The following CADPS variants were observed in gnomAD, a reference collection of about 807,000 sequenced individuals.
The protein encoded by CADPS is calcium dependent secretion activator, also known as calcium-dependent secretion activator 1.
Under a neutral mutation model 167.3 loss-of-function variants are expected in CADPS, and 57 were observed. The observed-to-expected ratio is 0.34, with a 90% CI of 0.28 to 0.42. The LOEUF (loss-of-function observed/expected upper bound fraction) is 0.42, where lower values mean the gene tolerates loss of function less well. CADPS is among the 20% of genes least tolerant of loss of function. The probability of loss-of-function intolerance (pLI) is 1.00; values close to 1 mark genes in which losing one functional copy is unlikely to be tolerated. For synonymous variants in CADPS, 676 were observed against 635.3 expected (o/e 1.06, Z -0.96); for missense variants, 1,414 against 1,738.1 (o/e 0.81, Z 3.32).
chr3:62,635,057 C>T (rs1368535642), intron 6 of CADPS, among the ~76,000 whole-genome samples: 1 of 152,190 alleles, frequency 6.6e-6, no homozygotes, highest in Admixed American at 6.6e-5. Flanking sequence ...ACACTAAGTT[C>T]TTCCAGAGGC....
chr3:62,723,702 A>C (rs9836677), intron 3 of CADPS, among the ~76,000 whole-genome samples: 22,544 of 152,258 alleles, frequency 0.15, 2,109 homozygotes, highest in African/African-American at 0.27. Flanking sequence ...TGAGCCGCTC[A>C]GGAGATGAAG....
chr3:62,632,418 ATAT>A (rs1338421220), intron 6 of CADPS, among the ~76,000 whole-genome samples: 1 of 152,194 alleles, frequency 6.6e-6, no homozygotes, highest in African/African-American at 2.4e-5. Context: ...TACCAAATAA[ATAT>A]TATTTGAAGT....
At chr3:62,783,058 C>T (rs2091938981) in intron 1 of CADPS, among the ~76,000 whole-genome samples, 1 of 152,182 alleles carries the variant, frequency 6.6e-6, no homozygotes, top group African/African-American at 2.4e-5. Flanking sequence ...TTGCACCTGG[C>T]CTAGTCTAGC....
At position 62,602,863 on chromosome 3, in the gene CADPS, C is replaced by A. The variant is rs1035997156; in HGVS notation, c.1326-10115G>T. On this transcript the variant is annotated intron_variant, in intron 6 of 29. Coordinates refer to ENST00000383710, the MANE Select transcript of CADPS (RefSeq NM_003716.4). The surrounding 1 kb of genome is among the most constrained non-coding windows in gnomAD (Gnocchi z 4.4). Reference sequence around the variant, plus strand: ...TCCCCGGCTTAGTTAAAGGAACTGCCAGCCACCCAGACATCATTCTTATTT... The same window carrying A: ...TCCCCGGCTTAGTTAAAGGAACTGCAAGCCACCCAGACATCATTCTTATTT... Among the ~76,000 whole-genome samples the A allele has an allele frequency of 2.6e-5, 4 of 152,184 alleles. No homozygotes were observed. Among genetic ancestry groups the A allele is most frequent in the Admixed American group, 2.6e-4 (4 of 15,278 alleles).
rs1241865842 is a variant in CADPS at position 62,532,864 on chromosome 3, C to T, written c.2291+7G>A. The T allele has an allele frequency of 1.2e-6, 2 of 1,613,078 alleles. No individual in the cohort carries two copies. The highest frequency in any genetic ancestry group is 8.5e-7 in the Non-Finnish European group (1 of 1,179,490). On this transcript the variant is annotated splice_region_variant and intron_variant, in intron 13 of 29. Coordinates refer to ENST00000383710, the MANE Select transcript of CADPS (RefSeq NM_003716.4). ...GATCACCTCTAGACACACGAACACA[C>T]ACTTACCTGTTCCCATGGACATGGG...
intron 6 of CADPS, among the ~76,000 whole-genome samples, chr3:62,624,694 T>C (rs978037016): frequency 6.6e-6 from 1 of 152,196 alleles, no homozygotes; most frequent in Non-Finnish European, 1.5e-5. Context: ...TCTCCTTCCA[T>C]AGGGCAAGCT....
intron 9 of CADPS, among the ~76,000 whole-genome samples, chr3:62,558,589 T>G (rs1312276106): frequency 6.6e-6 from 1 of 152,204 alleles, no homozygotes; most frequent in Non-Finnish European, 1.5e-5. Flanking sequence ...GTCTCTTCTA[T>G]AGTGAGATTT....
intron 6 of CADPS, among the ~76,000 whole-genome samples, chr3:62,627,723 T>C (rs1277388409): frequency 1.4e-5 from 1 of 70,004 alleles, no homozygotes; most frequent in Non-Finnish European, 3.4e-5. Context: ...CCCTAACCTG[T>C]GAAGTTCTGG....
intron 12 of CADPS, 134 bp from the exon 13 acceptor site, chr3:62,533,192 C>T (rs2074062712): frequency 4.3e-6 from 3 of 692,938 alleles, no homozygotes; most frequent in Non-Finnish European, 7.3e-6. Flanking sequence ...CTATTATGTG[C>T]CAGCCACTGT....
At chr3:62,495,790 C>A (rs753691174) in intron 18 of CADPS, among the ~76,000 whole-genome samples, 3 of 152,212 alleles carry the variant, frequency 2.0e-5, no homozygotes, top group Non-Finnish European at 4.4e-5. Context: ...AGATTAGACT[C>A]TGGAAACAGA....
chr3:62,539,250 T>C (rs1378144352), intron 11 of CADPS, among the ~76,000 whole-genome samples: 1 of 152,100 alleles, frequency 6.6e-6, no homozygotes, highest in African/African-American at 2.4e-5. Flanking sequence ...AGGAGCTGAA[T>C]TTTCAGTTCC....
chr3:62,735,323 T>C (rs2078771570), intron 3 of CADPS, among the ~76,000 whole-genome samples: 1 of 151,442 alleles, frequency 6.6e-6, no homozygotes, highest in African/African-American at 2.4e-5. Flanking sequence ...ATTTCAGTAA[T>C]GAAAGTATTA....
intron 6 of CADPS, among the ~76,000 whole-genome samples, chr3:62,643,384 A>G (rs1225013855): frequency 1.3e-5 from 2 of 152,232 alleles, no homozygotes; most frequent in Non-Finnish European, 2.9e-5. Context: ...AAGGTATTAC[A>G]AATCAACCAA....
At chr3:62,855,093 T>A (rs1219642232) in intron 1 of CADPS, among the ~76,000 whole-genome samples, 1 of 107,764 alleles carries the variant, frequency 9.3e-6, no homozygotes, top group East Asian at 2.5e-4. Flanking sequence ...CCCGGCTAAT[T>A]TTTTTTTTTT....
chr3:62,528,360 C>T (rs1177015395), intron 13 of CADPS, among the ~76,000 whole-genome samples: 1 of 152,154 alleles, frequency 6.6e-6, no homozygotes, highest in Non-Finnish European at 1.5e-5. Context: ...CGATATTTAT[C>T]TCACATGAAT....
chr3:62,789,248 T>A (rs304212), intron 1 of CADPS, among the ~76,000 whole-genome samples: 1 of 151,976 alleles, frequency 6.6e-6, no homozygotes, highest in Non-Finnish European at 1.5e-5. Context: ...TTGACAATAC[T>A]GAGAAATAAG....
At chr3:62,726,752 G>A (rs1575540134) in intron 3 of CADPS, among the ~76,000 whole-genome samples, 1 of 152,004 alleles carries the variant, frequency 6.6e-6, no homozygotes, top group African/African-American at 2.4e-5. Flanking sequence ...TAACCCTTCT[G>A]CTTCCTACCA....
intron 6 of CADPS, among the ~76,000 whole-genome samples, chr3:62,593,746 A>C (rs1438274260): frequency 6.6e-6 from 1 of 152,192 alleles, no homozygotes; most frequent in African/African-American, 2.4e-5. Flanking sequence ...CTCAGCTTAA[A>C]ACCACTGTCC....
At chr3:62,662,420 C>G (rs1332823060) in intron 3 of CADPS, 26 bp from the exon 4 acceptor site, 1 of 1,609,790 alleles carries the variant, frequency 6.2e-7, no homozygotes, top group Admixed American at 1.7e-5. Context: ...GACATTGAGA[C>G]TTTTAGTTTG....
Sources: gnomAD v4.1 joint callset for allele counts (sites outside exome capture counted in the v4.1 genomes callset) on GRCh38, gnomAD v4.1.1 for gene constraint, Gnocchi (gnomAD v3.1) non-coding constraint, MANE v1.5 for transcripts, NCBI Gene and HGNC (gene_info 2026-07-23, HGNC 2026-07-21) for gene names.